NIPAL2: variants seen among roughly 807,000 people sequenced by gnomAD.
NIPAL2 encodes NIPA like domain containing 2.
A neutral mutation model predicts 48.9 loss-of-function variants in NIPAL2; 43 were observed. The ratio of observed to expected loss-of-function variants is 0.88; its 90% CI spans 0.69 to 1.13. NIPAL2 has a LOEUF of 1.13. Ranked by LOEUF, NIPAL2 falls within the 50% of genes most tolerant of loss-of-function variation. The pLI, the probability that NIPAL2 is intolerant of heterozygous loss-of-function variation, is 0.00. For synonymous variants in NIPAL2, 167 were observed against 174.6 expected (o/e 0.96, Z 0.34); for missense variants, 446 against 461.4 (o/e 0.97, Z 0.31).
intron 4 of NIPAL2, among the ~76,000 whole-genome samples, chr8:98,233,776 T>A (rs1812565040): frequency 6.6e-6 from 1 of 152,248 alleles, no homozygotes; most frequent in African/African-American, 2.4e-5. Context: ...TGCATTTATT[T>A]TTTCCTAAGC....
intron 4 of NIPAL2, among the ~76,000 whole-genome samples, chr8:98,228,271 C>T (rs1169150402): frequency 6.6e-6 from 1 of 152,040 alleles, no homozygotes; most frequent in African/African-American, 2.4e-5. Context: ...GCTGTTCCTG[C>T]AGGGAGGACG....
chr8:98,220,964 CTTTTTTTTTTTTTTTTTT>C (rs557824737), intron 5 of NIPAL2, among the ~76,000 whole-genome samples: 14 of 68,636 alleles, frequency 2.0e-4, no homozygotes, highest in Admixed American at 6.0e-4. Flanking sequence ...TCATTTCATT[CTTTTTTTTTTTTTTTTTT>C]TTTTTTTTTT....
intron 4 of NIPAL2, among the ~76,000 whole-genome samples, chr8:98,223,629 T>C (rs1022865350): frequency 6.6e-6 from 1 of 152,228 alleles, no homozygotes; most frequent in Non-Finnish European, 1.5e-5. Flanking sequence ...CTGTTCCTCG[T>C]ATGCAAATGA....
At chr8:98,259,523 T>A (rs117123032) in intron 1 of NIPAL2, among the ~76,000 whole-genome samples, 2,889 of 152,280 alleles carry the variant, frequency 0.019, 46 homozygotes, top group South Asian at 0.067. Context: ...ATGGACACAA[T>A]TCCTTACTCC....
chr8:98,219,621 T>C (rs1189607552), intron 5 of NIPAL2, among the ~76,000 whole-genome samples: 1 of 152,180 alleles, frequency 6.6e-6, no homozygotes, highest in Admixed American at 6.5e-5. Context: ...CCCTTCCTGT[T>C]GGGAATGTAA....
chr8:98,279,617 G>A (rs541142917), intron 1 of NIPAL2, among the ~76,000 whole-genome samples: 1 of 152,290 alleles, frequency 6.6e-6, no homozygotes, highest in South Asian at 2.1e-4. Flanking sequence ...CAAATTTTGA[G>A]CCCAAGGCAC....
chr8:98,270,370 A>G (rs190356732), intron 1 of NIPAL2, among the ~76,000 whole-genome samples: 2 of 152,210 alleles, frequency 1.3e-5, no homozygotes, highest in African/African-American at 4.8e-5. Flanking sequence ...TTTTAATAAT[A>G]GCCATTCTGA....
chr8:98,260,497 G>T (rs905645251), intron 1 of NIPAL2, among the ~76,000 whole-genome samples: 5 of 152,106 alleles, frequency 3.3e-5, no homozygotes, highest in Non-Finnish European at 7.4e-5. Context: ...TTCCCTTTCC[G>T]AGTCAAAGAA....
intron 1 of NIPAL2, among the ~76,000 whole-genome samples, chr8:98,273,961 T>C (rs997231139): frequency 6.6e-6 from 1 of 152,100 alleles, no homozygotes. Context: ...TTCAAAAGTA[T>C]GTTTTCTGAA....
intron 1 of NIPAL2, among the ~76,000 whole-genome samples, chr8:98,255,079 A>C: frequency 6.6e-6 from 1 of 151,836 alleles, no homozygotes; most frequent in East Asian, 1.9e-4. Context: ...GCTTCTTTCT[A>C]TTGGGTCTTC....
intron 4 of NIPAL2, among the ~76,000 whole-genome samples, chr8:98,230,660 G>A (rs1812397879): frequency 6.6e-6 from 1 of 152,172 alleles, no homozygotes; most frequent in African/African-American, 2.4e-5. Flanking sequence ...TTTGTTTCAG[G>A]AGGCTACTAG....
chr8:98,287,639 G>T (rs986989270), intron 1 of NIPAL2, among the ~76,000 whole-genome samples: 3 of 152,176 alleles, frequency 2.0e-5, no homozygotes, highest in Admixed American at 2.0e-4. Context: ...TTGGGTACTT[G>T]CTATGTGTCT....
chr8:98,288,043 T>TA, intron 1 of NIPAL2, among the ~76,000 whole-genome samples: 2 of 152,296 alleles, frequency 1.3e-5, no homozygotes, highest in Non-Finnish European at 2.9e-5. Flanking sequence ...TACATATATA[T>TA]TTTTTAATTA....
Position 98,252,455 on chromosome 8 carries a change from T to C in NIPAL2, c.376+8A>G, listed in dbSNP as rs1390024462. 1 of 1,579,902 alleles carries C rather than the reference T, an allele frequency of 6.3e-7. No individual in the cohort carries two copies. Among genetic ancestry groups the C allele is most frequent in the African/African-American group, 1.4e-5 (1 of 73,638 alleles). ...AGTTTCTATTTGTCAAAATACAGAATGGCTTACCTGTAACAGACACACAGC... is the reference window on the plus strand; with the variant it reads ...AGTTTCTATTTGTCAAAATACAGAACGGCTTACCTGTAACAGACACACAGC... On this transcript the variant is annotated splice_region_variant and intron_variant, in intron 3 of 10. Transcript: ENST00000430223.
At chr8:98,197,351 A>C (rs1443353557) in intron 8 of NIPAL2, among the ~76,000 whole-genome samples, 1 of 152,252 alleles carries the variant, frequency 6.6e-6, no homozygotes, top group Admixed American at 6.5e-5. Context: ...GCTAATGATC[A>C]TCTGAGCTTG....
chr8:98,250,596 C>G (rs183425233), intron 3 of NIPAL2, among the ~76,000 whole-genome samples: 5 of 152,300 alleles, frequency 3.3e-5, no homozygotes, highest in African/African-American at 1.2e-4. Flanking sequence ...CTTTGAATCA[C>G]TTCAGATGGA....
chr8:98,207,986 T>A (rs1055552781), intron 6 of NIPAL2, among the ~76,000 whole-genome samples: 2 of 152,146 alleles, frequency 1.3e-5, no homozygotes, highest in Non-Finnish European at 2.9e-5. Context: ...TGAACGTAAG[T>A]CTTTGTTTAT....
intron 8 of NIPAL2, among the ~76,000 whole-genome samples, chr8:98,197,525 T>C (rs970848164): frequency 1.4e-4 from 22 of 152,226 alleles, no homozygotes; most frequent in Non-Finnish European, 4.4e-5. Context: ...ATGAAAGATT[T>C]CTTTGTAGCA....
intron 1 of NIPAL2, among the ~76,000 whole-genome samples, chr8:98,291,210 T>C (rs958742554): frequency 5.9e-5 from 9 of 152,180 alleles, no homozygotes; most frequent in Non-Finnish European, 1.3e-4. Flanking sequence ...CCAAACCATA[T>C]TTCTACCTTA....
Sources: gnomAD v4.1 joint callset for allele counts (sites outside exome capture counted in the v4.1 genomes callset) on GRCh38, gnomAD v4.1.1 for gene constraint, MANE v1.5 for transcripts, NCBI Gene and HGNC (gene_info 2026-07-23, HGNC 2026-07-21) for gene names.